The following CSMD3 variants were observed in gnomAD, a reference collection of about 807,000 sequenced individuals.
CSMD3 encodes CUB and Sushi multiple domains 3.
In CSMD3, 177 loss-of-function variants were observed where a neutral mutation model predicts 435.2. The observed-to-expected ratio is 0.41, with a 90% CI of 0.36 to 0.46. CSMD3 has a LOEUF of 0.46. CSMD3 is among the 20% of genes least tolerant of loss of function. The pLI, the probability that CSMD3 is intolerant of heterozygous loss-of-function variation, is 0.34. For missense variants in CSMD3, 4,265 were observed against 4,504.6 expected (o/e 0.95, Z 1.52); for synonymous variants, 1,656 against 1,520.5 (o/e 1.09, Z -2.07).
At chr8:112,886,486 G>A (rs542689089) in intron 10 of CSMD3, among the ~76,000 whole-genome samples, 3 of 151,342 alleles carry the variant, frequency 2.0e-5, no homozygotes, top group South Asian at 4.2e-4. Context: ...TTCCTATCCT[G>A]AGAAATGTGC....
At chr8:112,227,208 A>G (rs1812657722) in intron 70 of CSMD3, among the ~76,000 whole-genome samples, 1 of 152,246 alleles carries the variant, frequency 6.6e-6, no homozygotes, top group South Asian at 2.1e-4. Flanking sequence ...ACATTCATCC[A>G]TACAATGGAA....
At chr8:113,133,755 G>A (rs1007450754) in intron 4 of CSMD3, among the ~76,000 whole-genome samples, 2 of 151,964 alleles carry the variant, frequency 1.3e-5, no homozygotes, top group African/African-American at 2.4e-5. Flanking sequence ...GTCTTAAAAG[G>A]AAGAAAACCT....
chr8:112,361,070 A>G (rs956261701), intron 38 of CSMD3, among the ~76,000 whole-genome samples: 12 of 151,990 alleles, frequency 7.9e-5, no homozygotes, highest in African/African-American at 1.4e-4. Context: ...GTAGGAATCA[A>G]TAAGAGAATT....
At chr8:113,328,735 C>CTTTTCTTTTTTTTT (rs2094003725) in intron 1 of CSMD3, among the ~76,000 whole-genome samples, 1 of 57,198 alleles carries the variant, frequency 1.7e-5, no homozygotes, top group African/African-American at 8.4e-5. Context: ...TCCTTCTTTT[C>CTTTTCTTTTTTTTT]TTTTTTTTTT....
intron 49 of CSMD3, among the ~76,000 whole-genome samples, chr8:112,313,435 T>G (rs2130827055): frequency 6.6e-6 from 1 of 152,310 alleles, no homozygotes; most frequent in Admixed American, 6.5e-5. Context: ...TCCTTTGTTT[T>G]AACTTGTCAT....
intron 10 of CSMD3, among the ~76,000 whole-genome samples, chr8:112,917,242 G>A (rs577592986): frequency 5.3e-5 from 8 of 151,920 alleles, no homozygotes; most frequent in Non-Finnish European, 1.2e-4. Context: ...CAAGTCTACT[G>A]TCCATGAAAT....
intron 9 of CSMD3, among the ~76,000 whole-genome samples, chr8:112,932,852 G>A: frequency 6.6e-6 from 1 of 152,062 alleles, no homozygotes; most frequent in East Asian, 1.9e-4. Flanking sequence ...ATGTTTCTAA[G>A]AGAAAGAAAT....
At chr8:112,441,087 C>T (rs761115432) in intron 32 of CSMD3, among the ~76,000 whole-genome samples, 3 of 152,152 alleles carry the variant, frequency 2.0e-5, no homozygotes, top group African/African-American at 7.2e-5. Flanking sequence ...TTTCCAAACT[C>T]TTATGCTCTG....
chr8:112,858,380 A>C (rs1048999056), intron 11 of CSMD3, among the ~76,000 whole-genome samples: 1 of 151,774 alleles, frequency 6.6e-6, no homozygotes, highest in African/African-American at 2.4e-5. Flanking sequence ...AATCTGAACC[A>C]ATTTCATGAG....
intron 35 of CSMD3, among the ~76,000 whole-genome samples, chr8:112,405,198 A>AAAAAAC (rs1831677690): frequency 1.0e-4 from 4 of 38,276 alleles, no homozygotes; most frequent in Non-Finnish European, 1.9e-4. Flanking sequence ...AAAAAAAAAA[A>AAAAAAC]AAAAAAAAAA....
intron 2 of CSMD3, chr8:113,312,276 T>G (rs1345783071): frequency 6.6e-6 from 1 of 152,104 alleles, no homozygotes; most frequent in Non-Finnish European, 1.5e-5. Flanking sequence ...TAGTAATTAT[T>G]TTACATTGTT....
chr8:112,496,506 C>T (rs1045841775), intron 30 of CSMD3, among the ~76,000 whole-genome samples: 3 of 152,138 alleles, frequency 2.0e-5, no homozygotes, highest in Non-Finnish European at 2.9e-5. Context: ...TCTGCACTCT[C>T]ACATTTATTG....
intron 24 of CSMD3, among the ~76,000 whole-genome samples, chr8:112,567,493 G>T (rs956292796): frequency 3.3e-5 from 5 of 151,760 alleles, no homozygotes; most frequent in Non-Finnish European, 7.4e-5. Context: ...ATATTCCACT[G>T]GGAAAAGACA....
chr8:113,392,667 G>C (rs969541924), intron 1 of CSMD3, among the ~76,000 whole-genome samples: 2 of 151,988 alleles, frequency 1.3e-5, no homozygotes, highest in African/African-American at 4.8e-5. Context: ...ATTAGAGAAT[G>C]AGTACAAAAC....
At chr8:112,870,575 C>T (rs953476912) in intron 10 of CSMD3, among the ~76,000 whole-genome samples, 6 of 151,660 alleles carry the variant, frequency 4.0e-5, no homozygotes, top group South Asian at 2.1e-4. Flanking sequence ...TGCGCCCGGC[C>T]CAGAATGGCT....
At chr8:112,812,360 G>C (rs539391987) in intron 12 of CSMD3, among the ~76,000 whole-genome samples, 1 of 152,160 alleles carries the variant, frequency 6.6e-6, no homozygotes, top group Non-Finnish European at 1.5e-5. Context: ...CCCAAGTGCT[G>C]GCAGGCCACT....
intron 1 of CSMD3, among the ~76,000 whole-genome samples, chr8:113,395,683 G>A (rs1422757568): frequency 6.6e-6 from 1 of 151,140 alleles, no homozygotes; most frequent in Admixed American, 6.6e-5. Context: ...GTATTTTATT[G>A]TTTTAGCAAC....
At chr8:112,956,119 A>G (rs2084008092) in intron 7 of CSMD3, among the ~76,000 whole-genome samples, 1 of 151,996 alleles carries the variant, frequency 6.6e-6, no homozygotes, top group South Asian at 2.1e-4. Context: ...ATTCTTAGTT[A>G]TTATTAGTTG....
intron 10 of CSMD3, among the ~76,000 whole-genome samples, chr8:112,883,733 T>G (rs1377370785): frequency 6.6e-6 from 1 of 151,908 alleles, no homozygotes; most frequent in Non-Finnish European, 1.5e-5. Context: ...TTTTCGTCAG[T>G]TTTATACATG....
Sources: gnomAD v4.1 joint callset for allele counts (sites outside exome capture counted in the v4.1 genomes callset) on GRCh38, gnomAD v4.1.1 for gene constraint, MANE v1.5 for transcripts, NCBI Gene and HGNC (gene_info 2026-07-23, HGNC 2026-07-21) for gene names.